Variants in CCDC73 observed in about 807,000 individuals in gnomAD.
CCDC73 encodes the protein coiled-coil domain-containing protein 73.
A neutral mutation model predicts 116.5 loss-of-function variants in CCDC73; 95 were observed. That is an observed-to-expected ratio of 0.82 (90% confidence interval 0.69 to 0.97). The LOEUF (loss-of-function observed/expected upper bound fraction) is 0.97. Among genes scored for constraint, CCDC73 ranks in the 50% least tolerant of loss-of-function variants. CCDC73 has a pLI of 0.00. For missense variants in CCDC73, 1,066 were observed against 1,206.8 expected, an observed-to-expected ratio of 0.88 and a Z score of 1.73; for synonymous variants, 398 against 401.3, an observed-to-expected ratio of 0.99 and a Z score of 0.10.
the CCDC73 span, among the ~76,000 whole-genome samples, chr11:32,802,298 G>C: frequency 4.7e-4 from 71 of 152,162 alleles, no homozygotes; most frequent in African/African-American, 1.5e-3. Flanking sequence ...TATCATGAAG[G>C]CATGACCAAA....
chr11:32,738,788 G>C (rs1184040466), intron 2 of CCDC73, among the ~76,000 whole-genome samples: 5 of 152,174 alleles, frequency 3.3e-5, no homozygotes, highest in Non-Finnish European at 7.4e-5. Context: ...CAATGTCCTG[G>C]AGAGTTTCCC....
intron 2 of CCDC73, among the ~76,000 whole-genome samples, chr11:32,756,926 C>T (rs1245888499): frequency 1.3e-5 from 2 of 151,980 alleles, no homozygotes; most frequent in Admixed American, 1.3e-4. Context: ...TAAGTAGTTC[C>T]TGAATAAGAT....
At chr11:32,709,141 T>C (rs184736837) in intron 3 of CCDC73, among the ~76,000 whole-genome samples, 57 of 152,344 alleles carry the variant, frequency 3.7e-4, no homozygotes, top group African/African-American at 1.3e-3. Context: ...AAATACTTTT[T>C]CTGTGTCTAC....
At chr11:32,697,795 T>A (rs1003269368) in intron 6 of CCDC73, among the ~76,000 whole-genome samples, 1 of 150,714 alleles carries the variant, frequency 6.6e-6, no homozygotes, top group African/African-American at 2.5e-5. Context: ...GACACTGAAG[T>A]TTTTTTTGTT....
At chr11:32,663,733 A>T (rs1447311433) in intron 9 of CCDC73, among the ~76,000 whole-genome samples, 3 of 152,184 alleles carry the variant, frequency 2.0e-5, no homozygotes, top group Admixed American at 1.3e-4. Flanking sequence ...AGGAGTGGTG[A>T]GATAGGGCAT....
chr11:32,701,453 T>A (rs1032925656), intron 4 of CCDC73, among the ~76,000 whole-genome samples: 2 of 152,072 alleles, frequency 1.3e-5, no homozygotes, highest in Admixed American at 1.3e-4. Context: ...GTAATCCCAA[T>A]ACTTTGGGAA....
At chr11:32,686,461 G>A (rs1160241907) in intron 6 of CCDC73, among the ~76,000 whole-genome samples, 4 of 151,774 alleles carry the variant, frequency 2.6e-5, no homozygotes, top group African/African-American at 7.2e-5. Flanking sequence ...ACACGAGCCT[G>A]GATGAGATCA....
At chr11:32,642,212 T>C (rs1855740065) in intron 12 of CCDC73, 130 bp from the exon 13 acceptor site, 1 of 1,060,282 alleles carries the variant, frequency 9.4e-7, no homozygotes, top group Admixed American at 4.3e-5. Flanking sequence ...ATGTGCTATC[T>C]CAACAATAAT....
At chr11:32,719,274 C>G (rs921588820) in intron 2 of CCDC73, among the ~76,000 whole-genome samples, 1 of 152,144 alleles carries the variant, frequency 6.6e-6, no homozygotes, top group African/African-American at 2.4e-5. Context: ...TTGAAAACTG[C>G]CTGGTTTAAG....
At chr11:32,830,380 GAA>G in the CCDC73 span, 1 of 931,246 alleles carries the variant, frequency 1.1e-6, no homozygotes, top group Non-Finnish European at 1.5e-6. Flanking sequence ...TCCGGCGACC[GAA>G]ACCGCGCGCC....
chr11:32,798,916 G>GT (rs1554971665), upstream of CCDC73, among the ~76,000 whole-genome samples: 9 of 26,922 alleles, frequency 3.3e-4, no homozygotes, highest in South Asian at 3.2e-3. Context: ...TGTTTGTTTT[G>GT]GGGGGGGGCG....
intron 3 of CCDC73, among the ~76,000 whole-genome samples, chr11:32,703,451 T>A (rs866845384): frequency 6.6e-6 from 1 of 151,872 alleles, no homozygotes; most frequent in African/African-American, 2.4e-5. Flanking sequence ...CTGTTGCTTT[T>A]TTCATGAAAA....
chr11:32,698,212 G>T (rs1849775182), intron 6 of CCDC73, among the ~76,000 whole-genome samples: 1 of 151,656 alleles, frequency 6.6e-6, no homozygotes, highest in African/African-American at 2.4e-5. Context: ...TTTTAGTAGA[G>T]ACGGGGTTTC....
At chr11:32,758,736 C>T (rs1850365243) in intron 2 of CCDC73, 1 of 208,006 alleles carries the variant, frequency 4.8e-6, no homozygotes, top group African/African-American at 2.3e-5. Context: ...TATAAACAGA[C>T]CAAAGTATAA....
chr11:32,661,194 G>A (rs1855919275), intron 9 of CCDC73, among the ~76,000 whole-genome samples: 1 of 152,120 alleles, frequency 6.6e-6, no homozygotes, highest in African/African-American at 2.4e-5. Flanking sequence ...GCAGAGTGAA[G>A]GAATATAAGG....
chr11:32,629,921 C>CAA (rs367693675), intron 14 of CCDC73, among the ~76,000 whole-genome samples: 1,828 of 55,366 alleles, frequency 0.033, 173 homozygotes, highest in African/African-American at 0.087. Flanking sequence ...AGCAGATATG[C>CAA]AAAAAAAAAA....
At chr11:32,720,370 T>A (rs1849980348) in intron 2 of CCDC73, among the ~76,000 whole-genome samples, 2 of 152,158 alleles carry the variant, frequency 1.3e-5, no homozygotes, top group Admixed American at 1.3e-4. Context: ...AAAAATATTA[T>A]CCTTGCTTTT....
At chr11:32,745,744 G>GTTTTTTTTTTTTTTT in intron 2 of CCDC73, among the ~76,000 whole-genome samples, 1 of 42,686 alleles carries the variant, frequency 2.3e-5, no homozygotes, top group Non-Finnish European at 5.0e-5. Flanking sequence ...TGTTTGTTTT[G>GTTTTTTTTTTTTTTT]GTTTTTTTTT....
intron 1 of CCDC73, among the ~76,000 whole-genome samples, chr11:32,764,642 C>G (rs534889210): frequency 2.0e-5 from 3 of 152,190 alleles, no homozygotes; most frequent in African/African-American, 7.2e-5. Flanking sequence ...ACAACCAGTA[C>G]CAGCCACTGC....
Sources: allele counts gnomAD v4.1 joint callset (sites outside exome capture counted in the v4.1 genomes callset), GRCh38; gene constraint gnomAD v4.1.1; transcripts MANE v1.5; gene names NCBI Gene and HGNC (gene_info 2026-07-23, HGNC 2026-07-21).